The following ASPH variants were observed in gnomAD, a reference collection of about 807,000 sequenced individuals.
ASPH encodes the protein aspartyl/asparaginyl beta-hydroxylase.
In ASPH, 100 loss-of-function variants were observed where a neutral mutation model predicts 118.4. The observed-to-expected ratio is 0.84, with a 90% CI of 0.72 to 1.00. The LOEUF (loss-of-function observed/expected upper bound fraction) is 1.00, where lower values mean the gene tolerates loss of function less well. Ranked by LOEUF, ASPH falls within the 50% of genes least tolerant of loss-of-function variation. The probability of loss-of-function intolerance (pLI) is 0.00; values close to 1 mark genes in which losing one functional copy is unlikely to be tolerated. For synonymous variants in ASPH, 315 were observed against 325.6 expected (o/e 0.97, Z 0.35); for missense variants, 920 against 919.5 (o/e 1.00, Z -0.01).
Position 61,681,081 on chromosome 8 carries a change from G to T in ASPH, c.254-45C>A, listed in dbSNP as rs765346113. The T allele has an allele frequency of 3.4e-6, 5 of 1,464,028 alleles. No individual in the cohort carries two copies. In the African/African-American group the frequency reaches 7.2e-5, roughly 21 times the overall value. 90.7% of individuals were successfully genotyped at this position (1,464,028 alleles called of 1,614,324 possible). On this transcript the variant is annotated intron_variant, in intron 2 of 24. Coordinates refer to ENST00000379454, the MANE Select transcript of ASPH (RefSeq NM_004318.4). ...ATGGATATGGGAATAAAAAAGAAAA[G>T]AAATTTAATAAGGTATTATAACTTA...
intron 15 of ASPH, chr8:61,579,367 C>A: frequency 6.2e-7 from 1 of 1,614,114 alleles, no homozygotes. Context: ...GTCAAGCTGG[C>A]CCTGGACATC....
intron 18 of ASPH, among the ~76,000 whole-genome samples, chr8:61,558,072 ACT>A (rs1340257067): frequency 3.9e-5 from 6 of 152,186 alleles, no homozygotes; most frequent in African/African-American, 1.4e-4. Flanking sequence ...AATGAGATAT[ACT>A]CTCTTTTCTC....
chr8:61,634,993 T>C (rs1167610550), intron 12 of ASPH, among the ~76,000 whole-genome samples: 5 of 152,200 alleles, frequency 3.3e-5, no homozygotes, highest in Non-Finnish European at 7.3e-5. Flanking sequence ...AAACCGTGAA[T>C]TAATTCTATC....
chr8:61,580,036 T>G (rs999560053), intron 15 of ASPH, among the ~76,000 whole-genome samples: 1 of 151,564 alleles, frequency 6.6e-6, no homozygotes, highest in Non-Finnish European at 1.5e-5. Context: ...CTCCTTTGAC[T>G]CCATGTCTCA....
intron 3 of ASPH, chr8:61,663,800 G>C (rs183668075): frequency 2.0e-6 from 2 of 980,830 alleles, no homozygotes; most frequent in African/African-American, 3.5e-5. Flanking sequence ...ATTCTATTGA[G>C]TTGAAGTTTC....
intron 21 of ASPH, among the ~76,000 whole-genome samples, chr8:61,543,498 A>G (rs182904193): frequency 6.6e-6 from 1 of 152,136 alleles, no homozygotes; most frequent in Non-Finnish European, 1.5e-5. Flanking sequence ...GGAATTCTCT[A>G]TTTGGGGAGA....
At chr8:61,541,388 A>T (rs1046146932) in intron 21 of ASPH, among the ~76,000 whole-genome samples, 1 of 152,204 alleles carries the variant, frequency 6.6e-6, no homozygotes, top group Non-Finnish European at 1.5e-5. Flanking sequence ...TGCCCTATTC[A>T]TGGTAGTTAA....
intron 9 of ASPH, 76 bp from the exon 10 acceptor site, chr8:61,642,996 A>G: frequency 7.8e-7 from 1 of 1,288,988 alleles, no homozygotes; most frequent in African/African-American, 1.5e-5. Flanking sequence ...TTAAAACAAA[A>G]TACTACTTAA....
At chr8:61,564,367 C>T (rs1418674459) in intron 17 of ASPH, among the ~76,000 whole-genome samples, 3 of 148,590 alleles carry the variant, frequency 2.0e-5, no homozygotes, top group East Asian at 2.0e-4. Context: ...GGCATGATCT[C>T]GGCTCACTGC....
chr8:61,645,314 C>T (rs550200097), intron 6 of ASPH, among the ~76,000 whole-genome samples: 1 of 152,220 alleles, frequency 6.6e-6, no homozygotes, highest in South Asian at 2.1e-4. Flanking sequence ...CTTCCTACTC[C>T]CAATCTGTGA....
intron 22 of ASPH, among the ~76,000 whole-genome samples, chr8:61,522,397 C>T (rs1181093207): frequency 6.6e-6 from 1 of 152,128 alleles, no homozygotes; most frequent in Non-Finnish European, 1.5e-5. Flanking sequence ...CTCCTGAGGC[C>T]TCTTTTCTTG....
At chr8:61,576,942 T>G in intron 15 of ASPH, 84 bp from the exon 16 acceptor site, 1 of 1,214,530 alleles carries the variant, frequency 8.2e-7, no homozygotes, top group Non-Finnish European at 1.1e-6. Context: ...CAGCAAGTGG[T>G]TTTGTCAGAG....
chr8:61,513,948 A>C (rs546337114), intron 24 of ASPH, among the ~76,000 whole-genome samples: 18 of 152,206 alleles, frequency 1.2e-4, no homozygotes, highest in Non-Finnish European at 2.1e-4. Flanking sequence ...GAATGCACCT[A>C]CAAATGTGCT....
chr8:61,503,186 G>T lies in ASPH; in HGVS notation c.*173C>A. 1 of 620,416 alleles carries T rather than the reference G, an allele frequency of 1.6e-6. No individual in the cohort carries two copies. Among genetic ancestry groups the T allele is most frequent in the Non-Finnish European group, 2.4e-6 (1 of 409,774 alleles). The allele number at this position is 620,416 out of a possible 1,614,324, so 38.4% of individuals were successfully genotyped here. ...GGGTGTTTCCTAAATGAATTGCAGC[G>T]AGGCAAATATTCCCTTTAGTGTCTT... On this transcript the variant is annotated 3_prime_UTR_variant, in exon 25 of 25. Coordinates refer to ENST00000379454, the MANE Select transcript of ASPH (RefSeq NM_004318.4).
intron 24 of ASPH, among the ~76,000 whole-genome samples, chr8:61,515,803 C>T (rs1041719562): frequency 6.6e-6 from 1 of 152,218 alleles, no homozygotes; most frequent in Non-Finnish European, 1.5e-5. Context: ...TTGGATGCCC[C>T]ATTCCTGTAT....
chr8:61,590,003 A>G (rs1010782539), intron 14 of ASPH, among the ~76,000 whole-genome samples: 1 of 152,120 alleles, frequency 6.6e-6, no homozygotes, highest in African/African-American at 2.4e-5. Context: ...CTCAATCACA[A>G]TCAGGAATTT....
intron 17 of ASPH, among the ~76,000 whole-genome samples, chr8:61,564,120 A>G (rs1240148695): frequency 1.3e-5 from 2 of 152,188 alleles, no homozygotes; most frequent in African/African-American, 4.8e-5. Context: ...AGGATGCCAA[A>G]AAAGTTCATA....
chr8:61,648,485 T>C lies in ASPH; in HGVS notation c.491-1607A>G, dbSNP rs146381267. Among the ~76,000 whole-genome samples the C allele has an allele frequency of 6.5e-3, 996 of 152,366 alleles. 13 individuals carry two copies. The highest frequency in any genetic ancestry group is 0.023 in the African/African-American group (963 of 41,588). On this transcript the variant is annotated intron_variant, in intron 5 of 24. Transcript: ENST00000379454. ...TCAGCAAATCACCAATTTGAATTTC[T>C]GCTACAAATTTTACTTCTCTTTTTA...
At chr8:61,503,886 C>G (rs906137485) in intron 24 of ASPH, among the ~76,000 whole-genome samples, 1 of 152,160 alleles carries the variant, frequency 6.6e-6, no homozygotes, top group African/African-American at 2.4e-5. Flanking sequence ...AAGACACTTC[C>G]AATCAATTGT....
Sources: gnomAD v4.1 joint callset for allele counts (sites outside exome capture counted in the v4.1 genomes callset) on GRCh38, gnomAD v4.1.1 for gene constraint, MANE v1.5 for transcripts, NCBI Gene and HGNC (gene_info 2026-07-23, HGNC 2026-07-21) for gene names.